Variants in LRRC7 observed in about 807,000 individuals in gnomAD.
LRRC7 encodes the protein leucine rich repeat containing 7.
LRRC7 carries 23 observed loss-of-function variants against 175.7 expected under a neutral mutation model. That is an observed-to-expected ratio of 0.13 (90% CI 0.09 to 0.19). LRRC7 has a LOEUF of 0.19. Among genes scored for constraint, LRRC7 ranks in the 10% least tolerant of loss-of-function variants. The pLI, the probability that LRRC7 is intolerant of heterozygous loss-of-function variation, is 1.00. For missense variants in LRRC7, 1,354 were observed against 1,904.7 expected, an observed-to-expected ratio of 0.71 and a Z score of 5.38; for synonymous variants, 685 against 680.9, an observed-to-expected ratio of 1.01 and a Z score of -0.09.
rs522320 is a variant in LRRC7, at chr1:70,143,446, T to A, written c.*21559T>A. 1 of 152,156 alleles carries A rather than the reference T, an allele frequency of 6.6e-6. No homozygotes were observed. Among genetic ancestry groups the A allele is most frequent in the East Asian group, 1.9e-4 (1 of 5,178 alleles). The allele number at this position is 152,156 out of a possible 1,614,324, so 9.4% of individuals were successfully genotyped here. On this transcript the variant is annotated 3_prime_UTR_variant, in exon 27 of 27. Transcript: ENST00000651989. ...ACCTTTTAATGTGCAATAGTAAACA[T>A]TGACATTTTACATAGACATATTGTA...
chr1:69,958,537 G>C (rs576618575), intron 8 of LRRC7, among the ~76,000 whole-genome samples: 113 of 152,054 alleles, frequency 7.4e-4, no homozygotes, highest in Non-Finnish European at 1.5e-3. Context: ...AGAAACCAAG[G>C]CATGTTTGTG....
intron 7 of LRRC7, 126 bp from the exon 8 acceptor site, chr1:69,931,381 T>C (rs2101770885): frequency 2.9e-6 from 2 of 680,194 alleles, no homozygotes; most frequent in South Asian, 1.8e-5. Context: ...TACTTGTTGC[T>C]GAAGAGTACC....
intron 25 of LRRC7, among the ~76,000 whole-genome samples, chr1:70,090,139 A>C (rs959239006): frequency 6.6e-6 from 1 of 152,140 alleles, no homozygotes; most frequent in South Asian, 2.1e-4. Flanking sequence ...GTATATAGAC[A>C]ATTTCTAACA....
intron 10 of LRRC7, among the ~76,000 whole-genome samples, chr1:69,991,044 A>G (rs1255213515): frequency 1.3e-5 from 2 of 151,976 alleles, no homozygotes; most frequent in East Asian, 1.9e-4. Context: ...AGTCCTAACT[A>G]CTCAGGAAGC....
intron 23 of LRRC7, among the ~76,000 whole-genome samples, chr1:70,065,950 G>C (rs1661941462): frequency 6.6e-6 from 1 of 151,958 alleles, no homozygotes; most frequent in African/African-American, 2.4e-5. Flanking sequence ...TCAGAAGTTA[G>C]AATATTTAGG....
intron 4 of LRRC7, among the ~76,000 whole-genome samples, chr1:69,805,012 A>G (rs1469566241): frequency 6.6e-6 from 1 of 151,798 alleles, no homozygotes; most frequent in African/African-American, 2.4e-5. Flanking sequence ...AATTAATTTG[A>G]AAGTGCTTCT....
intron 4 of LRRC7, among the ~76,000 whole-genome samples, chr1:69,808,628 A>G (rs112821620): frequency 0.033 from 5,065 of 152,240 alleles, 285 homozygotes; most frequent in African/African-American, 0.11. Flanking sequence ...CTGCACAACT[A>G]CAAGGAAACT....
Position 70,076,061 on chromosome 1 carries a change from A to G in LRRC7, c.4231-16A>G, listed in dbSNP as rs1662749390. 6.2e-7 allele frequency: 1 copy of G among 1,612,152 alleles called. No individual in the cohort carries two copies. Among genetic ancestry groups the G allele is most frequent in the African/African-American group, 1.3e-5 (1 of 74,986 alleles). On this transcript the variant is annotated splice_polypyrimidine_tract_variant and intron_variant, in intron 23 of 26. Transcript: ENST00000651989. ...AGCACCATGAATCTTTGCCTGACAG[A>G]TTATCTTCTCCACAGGCAGGCAGCC...
chr1:69,573,902 T>C (rs1037265665), intron 1 of LRRC7, among the ~76,000 whole-genome samples: 1 of 152,228 alleles, frequency 6.6e-6, no homozygotes, highest in African/African-American at 2.4e-5. Flanking sequence ...ATTTTAACAA[T>C]GGAGCAGTTG....
At chr1:69,875,027 C>T (rs537617240) in intron 7 of LRRC7, 6 of 152,126 alleles carry the variant, frequency 3.9e-5, no homozygotes, top group African/African-American at 9.6e-5. Context: ...ATAAGTTGCA[C>T]TATCTTAGTG....
chr1:70,015,698 A>C (rs1051363927), intron 13 of LRRC7, among the ~76,000 whole-genome samples: 1 of 152,170 alleles, frequency 6.6e-6, no homozygotes, highest in African/African-American at 2.4e-5. Context: ...CTAAATATAT[A>C]ATTTTGATTG....
At chr1:69,951,372 C>T (rs1235840314) in intron 8 of LRRC7, among the ~76,000 whole-genome samples, 2 of 152,050 alleles carry the variant, frequency 1.3e-5, no homozygotes. Context: ...CTGTGGAAAG[C>T]AGTATCACAA....
intron 23 of LRRC7, among the ~76,000 whole-genome samples, chr1:70,063,650 T>C (rs1266487902): frequency 6.6e-6 from 1 of 152,082 alleles, no homozygotes; most frequent in African/African-American, 2.4e-5. Flanking sequence ...CTACTAGCTG[T>C]AGGTTCTTAG....
chr1:69,988,918 A>G (rs901740463), intron 10 of LRRC7, among the ~76,000 whole-genome samples: 9 of 152,204 alleles, frequency 5.9e-5, no homozygotes, highest in Non-Finnish European at 1.3e-4. Flanking sequence ...GCAAACAAAA[A>G]TGTTGAAGGA....
intron 3 of LRRC7, among the ~76,000 whole-genome samples, chr1:69,782,430 G>T (rs185694313): frequency 9.8e-5 from 15 of 152,338 alleles, no homozygotes; most frequent in Admixed American, 5.9e-4. Flanking sequence ...CTTAATCTGT[G>T]ATCTGGAACT....
chr1:69,599,998 G>A (rs1264067117), intron 1 of LRRC7, among the ~76,000 whole-genome samples: 1 of 152,128 alleles, frequency 6.6e-6, no homozygotes, highest in Non-Finnish European at 1.5e-5. Context: ...GTGATATTTT[G>A]AGACACAGAT....
intron 25 of LRRC7, among the ~76,000 whole-genome samples, chr1:70,103,240 A>T (rs1300214525): frequency 6.6e-6 from 1 of 152,048 alleles, no homozygotes; most frequent in African/African-American, 2.4e-5. Flanking sequence ...AAAAGAAAAA[A>T]AAAAAAACCT....
At chr1:70,036,319 C>A in intron 19 of LRRC7, 87 bp downstream of exon 19, 1 of 1,381,546 alleles carries the variant, frequency 7.2e-7, no homozygotes, top group Non-Finnish European at 1.0e-6. Flanking sequence ...ACACCATATT[C>A]TATACAAATG....
At chr1:70,112,550 A>C (rs976902059) in intron 26 of LRRC7, among the ~76,000 whole-genome samples, 1 of 152,196 alleles carries the variant, frequency 6.6e-6, no homozygotes, top group African/African-American at 2.4e-5. Context: ...AGCTGTGTTA[A>C]GGGAATGGAG....
Sources: allele counts gnomAD v4.1 joint callset (sites outside exome capture counted in the v4.1 genomes callset), GRCh38; gene constraint gnomAD v4.1.1; transcripts MANE v1.5; gene names NCBI Gene and HGNC (gene_info 2026-07-23, HGNC 2026-07-21).